The following INTS9 variants were observed in gnomAD, a reference collection of about 807,000 sequenced individuals.
The protein encoded by INTS9 is integrator complex subunit 9.
A neutral mutation model predicts 79.7 loss-of-function variants in INTS9; 55 were observed. The observed-to-expected ratio is 0.69, with a 90% CI of 0.56 to 0.86. The LOEUF is 0.86. INTS9 is among the 40% of genes least tolerant of loss of function. The probability of loss-of-function intolerance (pLI) is 0.00; values close to 1 mark genes in which losing one functional copy is unlikely to be tolerated. For missense variants in INTS9, 721 were observed against 831.5 expected (o/e 0.87, Z 1.64); for synonymous variants, 319 against 325.2 (o/e 0.98, Z 0.20).
intron 1 of INTS9, among the ~76,000 whole-genome samples, chr8:28,870,388 A>G (rs1809022783): frequency 7.0e-6 from 1 of 143,098 alleles, no homozygotes; most frequent in Non-Finnish European, 1.5e-5. Flanking sequence ...AGTCACTACC[A>G]GAGAAGTTTC....
chr8:28,886,212 A>G lies in INTS9; in HGVS notation c.9+3662T>C, dbSNP rs1585545294. Among the ~76,000 whole-genome samples the G allele has an allele frequency of 2.0e-5, 3 of 152,192 alleles. No individual in the cohort carries two copies. The South Asian group carries it at 6.2e-4, about 32-fold the overall frequency. On this transcript the variant is annotated intron_variant, in intron 1 of 16. Transcript: ENST00000521022. ...CATCAAGAAAGTCCTCAAACTTAAA[A>G]AAAATTTTTTTTTAACCAATAACCT...
chr8:28,884,628 G>T (rs570701027), intron 1 of INTS9, among the ~76,000 whole-genome samples: 1 of 152,200 alleles, frequency 6.6e-6, no homozygotes, highest in East Asian at 1.9e-4. Flanking sequence ...TATGTCACAC[G>T]CAGCTTTTCA....
intron 1 of INTS9, among the ~76,000 whole-genome samples, chr8:28,863,746 C>T (rs1808579318): frequency 6.6e-6 from 1 of 152,180 alleles, no homozygotes; most frequent in Non-Finnish European, 1.5e-5. Flanking sequence ...CACGCCACTG[C>T]ACACCAGCCT....
intron 1 of INTS9, among the ~76,000 whole-genome samples, chr8:28,880,163 T>C (rs1450210663): frequency 1.3e-5 from 2 of 152,192 alleles, no homozygotes; most frequent in Non-Finnish European, 2.9e-5. Context: ...AGAAGACTTA[T>C]AAAGCTAGAA....
intron 6 of INTS9, among the ~76,000 whole-genome samples, chr8:28,833,041 G>A (rs1291414491): frequency 1.3e-5 from 2 of 152,084 alleles, no homozygotes; most frequent in African/African-American, 4.8e-5. Context: ...CATTTAGAAG[G>A]TGCCTGGCAC....
chr8:28,797,299 G>A (rs1447471436), intron 8 of INTS9, among the ~76,000 whole-genome samples: 3 of 152,158 alleles, frequency 2.0e-5, no homozygotes, highest in African/African-American at 7.2e-5. Context: ...GACTCAAAGA[G>A]GTAAGGAGAT....
At chr8:28,825,261 C>T (rs1806083098) in intron 6 of INTS9, among the ~76,000 whole-genome samples, 1 of 152,216 alleles carries the variant, frequency 6.6e-6, no homozygotes, top group African/African-American at 2.4e-5. Flanking sequence ...AGCTGGAAGG[C>T]TGTCATGGGA....
chr8:28,827,805 T>C (rs137906493), intron 6 of INTS9, among the ~76,000 whole-genome samples: 2,601 of 152,264 alleles, frequency 0.017, 47 homozygotes, highest in Non-Finnish European at 0.029. Flanking sequence ...CATGGAAAAA[T>C]TTCTTATCCA....
chr8:28,859,317 T>A, intron 2 of INTS9, 119 bp downstream of exon 2: 2 of 1,145,118 alleles, frequency 1.7e-6, no homozygotes, highest in South Asian at 1.6e-5. Flanking sequence ...TAAAGAACAT[T>A]TTTAAGGAAA....
intron 14 of INTS9, among the ~76,000 whole-genome samples, chr8:28,772,952 C>G (rs1392494667): frequency 6.6e-6 from 1 of 152,186 alleles, no homozygotes; most frequent in Admixed American, 6.5e-5. Context: ...GAGCTGTCTC[C>G]AGCTCTGCTG....
chr8:28,849,883 A>G, intron 3 of INTS9: 1 of 215,584 alleles, frequency 4.6e-6, no homozygotes, highest in Admixed American at 5.7e-5. Context: ...ACTGGATTGA[A>G]TTCTTTAAAA....
rs188930862 is a variant in INTS9, at chr8:28,813,821, C to T, written c.489-209G>A. On this transcript the variant is annotated intron_variant, in intron 6 of 16. Transcript: ENST00000521022. ...GTGTCACCAGGCTGGAGTGCTATGG[C>T]GCCATCTCGGCTCACTGCAACCTCC... 1,043 of 443,142 alleles carry T rather than the reference C, an allele frequency of 2.4e-3. 12 individuals are homozygous for T. The East Asian group carries it at 0.027, about 11-fold the overall frequency. 27.5% of individuals were successfully genotyped at this position (443,142 alleles called of 1,614,324 possible). A position where few individuals can be genotyped will look rare whatever the true frequency, so the allele number is the denominator to read the frequency against.
rs375648052 is a variant in INTS9 at position 28,796,534 on chromosome 8, G to A, written c.856+10C>T. ...GATCATCCAACGTAAGATGAGAGAC[G>A]GTTGCACACCTAGGTTGCTGCAGAA... On this transcript the variant is annotated intron_variant, in intron 9 of 16. Coordinates refer to ENST00000521022, the MANE Select transcript of INTS9 (RefSeq NM_018250.4). The A allele has an allele frequency of 8.8e-6, 13 of 1,478,396 alleles. No individual in the cohort carries two copies. Among genetic ancestry groups the A allele is most frequent in the Admixed American group, 1.7e-5 (1 of 59,826 alleles). 91.6% of individuals were successfully genotyped at this position (1,478,396 alleles called of 1,614,324 possible). A position where few individuals can be genotyped will look rare whatever the true frequency, so the allele number is the denominator to read the frequency against.
intron 6 of INTS9, among the ~76,000 whole-genome samples, chr8:28,827,292 G>A (rs889744892): frequency 1.3e-5 from 2 of 152,180 alleles, no homozygotes; most frequent in African/African-American, 4.8e-5. Context: ...CCAGGGCTCT[G>A]ACATGATGCC....
At chr8:28,777,239 C>T (rs2130875426) in intron 13 of INTS9, among the ~76,000 whole-genome samples, 1 of 152,208 alleles carries the variant, frequency 6.6e-6, no homozygotes, top group African/African-American at 2.4e-5. Flanking sequence ...GTCCTCCTTG[C>T]CAATTCCAGT....
intron 2 of INTS9, among the ~76,000 whole-genome samples, chr8:28,853,673 G>C (rs1468451585): frequency 6.6e-6 from 1 of 152,100 alleles, no homozygotes; most frequent in African/African-American, 2.4e-5. Context: ...TGTTTATACA[G>C]TCGAACTTTG....
intron 6 of INTS9, among the ~76,000 whole-genome samples, chr8:28,826,553 A>G (rs1806157608): frequency 6.6e-6 from 1 of 152,184 alleles, no homozygotes. Context: ...CCCTACCCAC[A>G]GGATTCACCC....
chr8:28,853,180 C>T (rs1197292522), intron 2 of INTS9, among the ~76,000 whole-genome samples: 1 of 151,994 alleles, frequency 6.6e-6, no homozygotes, highest in Non-Finnish European at 1.5e-5. Flanking sequence ...TTTGGGAGGC[C>T]GAGGCGGATG....
intron 10 of INTS9, among the ~76,000 whole-genome samples, chr8:28,788,923 G>C (rs1563251832): frequency 1.3e-5 from 2 of 152,196 alleles, no homozygotes. Flanking sequence ...GTGTTGTGCA[G>C]GTTTGACATT....
Sources: allele counts gnomAD v4.1 joint callset (sites outside exome capture counted in the v4.1 genomes callset), GRCh38; gene constraint gnomAD v4.1.1; transcripts MANE v1.5; gene names NCBI Gene and HGNC (gene_info 2026-07-23, HGNC 2026-07-21).